Variants in TEC observed in about 807,000 individuals in gnomAD.
The protein encoded by TEC is tec protein tyrosine kinase, also known as tyrosine-protein kinase Tec.
A neutral mutation model predicts 93.0 loss-of-function variants in TEC; 72 were observed. The observed-to-expected ratio is 0.77, with a 90% CI of 0.64 to 0.94. The LOEUF (loss-of-function observed/expected upper bound fraction) is 0.94, where lower values mean the gene tolerates loss of function less well. Among genes scored for constraint, TEC ranks in the 40% least tolerant of loss-of-function variants. The pLI, the probability that TEC is intolerant of heterozygous loss-of-function variation, is 0.00. For synonymous variants in TEC, 249 were observed against 247.7 expected, an observed-to-expected ratio of 1.01 and a Z score of -0.05; for missense variants, 630 against 757.9, an observed-to-expected ratio of 0.83 and a Z score of 1.98.
intron 2 of TEC, among the ~76,000 whole-genome samples, chr4:48,183,001 C>A (rs1216948593): frequency 6.6e-6 from 1 of 152,128 alleles, no homozygotes; most frequent in Non-Finnish European, 1.5e-5. Context: ...ATGATTCGTC[C>A]CTTTCCCACA....
chr4:48,170,299 G>A lies in TEC; in HGVS notation c.403C>T (p.Gln135Ter). 1.3e-6 allele frequency: 2 copies of A among 1,581,302 alleles called. No individual in the cohort carries two copies. Among genetic ancestry groups the A allele is most frequent in the Non-Finnish European group, 1.7e-6 (2 of 1,152,018 alleles). ...CATCCGGGTGCTAATTTTTCAGTTT[G>A]TCTACAACACTGATAACTTCCATCT... ...WTDGSYQCCRQTEKLAPGCEK... is the reference protein window; with the variant it reads ...WTDGSYQCCR Residue 135 changes from glutamine (Q) to a stop codon, truncating the protein, a stop_gained, in exon 5 of 18, where the codon CAA (glutamine) becomes TAA (stop). Coordinates refer to ENST00000381501, the MANE Select transcript of TEC (RefSeq NM_003215.3). LOFTEE classifies it high-confidence loss of function.
At position 48,171,393 on chromosome 4, in the gene TEC, G is replaced by T; in HGVS notation, c.300C>A (p.Asp100Glu). The T allele has an allele frequency of 6.2e-7, 1 of 1,613,544 alleles. No individual in the cohort carries two copies. Among genetic ancestry groups the T allele is most frequent in the Non-Finnish European group, 8.5e-7 (1 of 1,179,804 alleles). The stretch of plus-strand genomic sequence containing the variant: ...CTTCTTTTAACTTCTTCACCCACAG[G>T]TCCCTGCTTTGTGGACTAGGTGCAA... ...YIFAPSPQSR[D>E]LWVKKLKEEI... The change falls in exon 4 of 18, where the codon GAC (aspartate) becomes GAA (glutamate). Residue 100 changes from aspartate to glutamate, a missense_variant. Asp to Glu is a conservative substitution (Grantham distance 45). This residue lies in a region of TEC where 335 missense variants were observed against 351.5 expected (regional missense o/e 0.95). Coordinates refer to ENST00000381501, the MANE Select transcript of TEC (RefSeq NM_003215.3).
chr4:48,198,635 C>T (rs779418283), intron 2 of TEC, among the ~76,000 whole-genome samples: 10 of 152,174 alleles, frequency 6.6e-5, no homozygotes, highest in Non-Finnish European at 1.3e-4. Context: ...AAGGCTCCCA[C>T]GTACATGTAA....
At chr4:48,175,944 A>G in intron 3 of TEC, 138 bp downstream of exon 3, 1 of 644,670 alleles carries the variant, frequency 1.6e-6, no homozygotes, top group East Asian at 2.6e-5. Flanking sequence ...TAAACAGTTC[A>G]TGAAGAAAAG....
At chr4:48,164,670 C>T (rs1301762799) in intron 7 of TEC, among the ~76,000 whole-genome samples, 2 of 152,078 alleles carry the variant, frequency 1.3e-5, no homozygotes, top group Non-Finnish European at 2.9e-5. Context: ...TCTCTAAATA[C>T]CATTTGTGAC....
chr4:48,205,771 T>C (rs2109603209), intron 2 of TEC, among the ~76,000 whole-genome samples: 1 of 152,358 alleles, frequency 6.6e-6, no homozygotes, highest in South Asian at 2.1e-4. Flanking sequence ...TCACAGCTGC[T>C]TTGGGAAACA....
intron 3 of TEC, 139 bp from the exon 4 acceptor site, chr4:48,171,588 C>T (rs1470157231): frequency 1.6e-5 from 9 of 560,638 alleles, no homozygotes; most frequent in South Asian, 1.3e-4. Context: ...TCCAGAAAAC[C>T]CAGGTTACTT....
chr4:48,176,136 T>C lies in TEC; in HGVS notation c.189A>G (p.Glu63=). The C allele has an allele frequency of 6.2e-7, 1 of 1,613,934 alleles. No individual in the cohort carries two copies. The highest frequency in any genetic ancestry group is 8.5e-7 in the Non-Finnish European group (1 of 1,179,924). Residue 63 remains glutamate, a synonymous_variant, in exon 3 of 18, where the codon GAA becomes GAG. Coordinates refer to ENST00000381501, the MANE Select transcript of TEC (RefSeq NM_003215.3). ...FIDVSKIKCV[E]IVKNDDGVIP... ...TGACACCATCATCATTCTTCACTAT[T>C]TCCACACACTTGATTTTTGAAACAT...
intron 2 of TEC, among the ~76,000 whole-genome samples, chr4:48,191,438 A>T (rs1228280462): frequency 6.6e-6 from 1 of 152,214 alleles, no homozygotes; most frequent in Non-Finnish European, 1.5e-5. Context: ...ACATTGTTTC[A>T]TTAGGTAACA....
intron 1 of TEC, among the ~76,000 whole-genome samples, chr4:48,241,226 T>A (rs13121247): frequency 0.15 from 22,764 of 151,932 alleles, 2,032 homozygotes; most frequent in Non-Finnish European, 0.2. Flanking sequence ...TTTTTTTTTT[T>A]AAATACCTGT....
intron 9 of TEC, chr4:48,155,983 A>C (rs1720383692): frequency 6.6e-6 from 1 of 152,178 alleles, no homozygotes; most frequent in Non-Finnish European, 1.5e-5. Context: ...TCTCTACCTG[A>C]TTTCTTCAAA....
At chr4:48,164,187 G>A (rs1720786352) in intron 7 of TEC, among the ~76,000 whole-genome samples, 1 of 152,188 alleles carries the variant, frequency 6.6e-6, no homozygotes, top group Non-Finnish European at 1.5e-5. Flanking sequence ...ACCATTACTT[G>A]AGAAAAGTCA....
Position 48,138,589 on chromosome 4 carries a change from T to C in TEC, c.1812+76A>G, listed in dbSNP as rs16861040. The C allele has an allele frequency of 3.1e-3, 4,597 of 1,500,366 alleles. 85 individuals carry two copies. The African/African-American group carries it at 0.045, about 15-fold the overall frequency. 92.9% of individuals were successfully genotyped at this position (1,500,366 alleles called of 1,614,324 possible). On this transcript the variant is annotated intron_variant, in intron 17 of 17. Coordinates refer to ENST00000381501, the MANE Select transcript of TEC (RefSeq NM_003215.3). Reference sequence around the variant, plus strand: ...AAAGATGCACCACCTCACTAGGCTATAAAGACTGCATGTTATCCATCTACC... The same window carrying C: ...AAAGATGCACCACCTCACTAGGCTACAAAGACTGCATGTTATCCATCTACC...
intron 2 of TEC, among the ~76,000 whole-genome samples, chr4:48,204,470 C>G (rs986765296): frequency 1.3e-5 from 2 of 152,244 alleles, no homozygotes; most frequent in African/African-American, 4.8e-5. Flanking sequence ...CTCCAGACTT[C>G]ACGTGCCTTT....
rs115666636 is a variant in TEC, at chr4:48,244,811, A to G, written c.-45-16152T>C. Among the ~76,000 whole-genome samples the G allele has an allele frequency of 3.1e-3, 479 of 152,242 alleles. 5 individuals carry two copies. Among genetic ancestry groups the G allele is most frequent in the African/African-American group, 0.011 (462 of 41,536 alleles). On this transcript the variant is annotated intron_variant, in intron 1 of 17. Transcript: ENST00000381501. Reference sequence around the variant, plus strand: ...CAACATCCTTCTTCTCAAATACCACACACAGGACAGAGAGATATCATATCT... The same window carrying G: ...CAACATCCTTCTTCTCAAATACCACGCACAGGACAGAGAGATATCATATCT...
rs1719865414 is a variant in TEC at position 48,145,447 on chromosome 4, A to G, written c.1214T>C (p.Met405Thr). The change falls in exon 13 of 18, where the codon ATG becomes ACG. Residue 405 changes from methionine to threonine, a missense_variant. Coordinates refer to ENST00000381501, the MANE Select transcript of TEC (RefSeq NM_003215.3). ...TTCTTCTATAAAGTCCTCCTCGCAC[A>G]TTGCACCTTCCCGAATAGCTTTGAT... Reference protein sequence around the residue: ...VAIKAIREGAMCEEDFIEEAK... With the variant: ...VAIKAIREGATCEEDFIEEAK... 6.2e-7 allele frequency: 1 copy of G among 1,614,140 alleles called. No homozygotes were observed. Among genetic ancestry groups the G allele is most frequent in the Non-Finnish European group, 8.5e-7 (1 of 1,180,020 alleles).
At chr4:48,170,835 G>A (rs2109547098) in intron 4 of TEC, among the ~76,000 whole-genome samples, 1 of 152,300 alleles carries the variant, frequency 6.6e-6, no homozygotes, top group African/African-American at 2.4e-5. Context: ...CAGATCACCT[G>A]AGGTCGGGAG....
intron 2 of TEC, among the ~76,000 whole-genome samples, chr4:48,208,190 T>C (rs1722778914): frequency 6.6e-6 from 1 of 152,202 alleles, no homozygotes. Flanking sequence ...GAATGCTTAA[T>C]AACAATTTCT....
chr4:48,238,341 C>T (rs1474497654), intron 1 of TEC, among the ~76,000 whole-genome samples: 5 of 152,172 alleles, frequency 3.3e-5, no homozygotes, highest in Non-Finnish European at 5.9e-5. Context: ...CAGGCTATAA[C>T]GTTTTGAGTA....
Sources: gnomAD v4.1 joint callset for allele counts (sites outside exome capture counted in the v4.1 genomes callset) on GRCh38, gnomAD v4.1.1 for gene constraint, gnomAD v4.1.1 regional missense constraint, MANE v1.5 for transcripts, NCBI Gene and HGNC (gene_info 2026-07-23, HGNC 2026-07-21) for gene names.